The following EXOC2 variants were observed in gnomAD, a reference collection of about 807,000 sequenced individuals.
The protein encoded by EXOC2 is exocyst complex component 2.
EXOC2 carries 70 observed loss-of-function variants against 131.8 expected under a neutral mutation model. The observed-to-expected ratio is 0.53, with a 90% confidence interval of 0.44 to 0.65. The LOEUF is 0.65. Ranked by LOEUF, EXOC2 falls within the 30% of genes least tolerant of loss-of-function variation. EXOC2 has a pLI of 0.00. For missense variants in EXOC2, 923 were observed against 1,108.6 expected, an observed-to-expected ratio of 0.83 and a Z score of 2.38; for synonymous variants, 411 against 398.4, an observed-to-expected ratio of 1.03 and a Z score of -0.38.
At chr6:600,865 T>C (rs1385716828) in intron 7 of EXOC2, among the ~76,000 whole-genome samples, 1 of 152,196 alleles carries the variant, frequency 6.6e-6, no homozygotes, top group Non-Finnish European at 1.5e-5. Flanking sequence ...TTATAAGTTA[T>C]GAGATTATAA....
chr6:524,403 T>C (rs1235694970), intron 23 of EXOC2: 1 of 151,928 alleles, frequency 6.6e-6, no homozygotes, highest in Middle Eastern at 3.4e-3. Context: ...TTTCAAACAT[T>C]AAAAAAAAGA....
At chr6:656,141 ATCT>A (rs1763067094) in intron 1 of EXOC2, 3 of 1,613,168 alleles carry the variant, frequency 1.9e-6, no homozygotes, top group African/African-American at 2.7e-5. Flanking sequence ...GAAGAGAGAC[ATCT>A]TCTTGAACCA....
chr6:546,477 T>A (rs1756860166), intron 22 of EXOC2, among the ~76,000 whole-genome samples: 1 of 152,186 alleles, frequency 6.6e-6, no homozygotes, highest in African/African-American at 2.4e-5. Context: ...TCAGGTCCTA[T>A]TTTCATTTCT....
At chr6:676,816 CGG>C (rs1764154415) in intron 1 of EXOC2, among the ~76,000 whole-genome samples, 5 of 94,952 alleles carry the variant, frequency 5.3e-5, no homozygotes, top group Non-Finnish European at 7.2e-5. Context: ...TTCAACATTA[CGG>C]AAAGGACAGG....
intron 6 of EXOC2, among the ~76,000 whole-genome samples, chr6:616,460 G>A (rs1022456551): frequency 2.6e-5 from 4 of 151,872 alleles, no homozygotes; most frequent in African/African-American, 4.8e-5. Flanking sequence ...AAAATTAGCC[G>A]GGCGCAGTGG....
intron 22 of EXOC2, among the ~76,000 whole-genome samples, chr6:540,908 A>C (rs1766775175): frequency 6.6e-6 from 1 of 152,206 alleles, no homozygotes; most frequent in South Asian, 2.1e-4. Flanking sequence ...CCAAGGAAAA[A>C]CCTTACTACA....
At chr6:677,209 C>T (rs12664993) in intron 1 of EXOC2, among the ~76,000 whole-genome samples, 9,523 of 47,634 alleles carry the variant, frequency 0.2, 1,918 homozygotes, top group East Asian at 0.44. Context: ...GGACAGGTTC[C>T]TCTGGAGACT....
chr6:567,076 T>C (rs1243650443), intron 13 of EXOC2, among the ~76,000 whole-genome samples: 4 of 152,194 alleles, frequency 2.6e-5, no homozygotes, highest in African/African-American at 7.2e-5. Flanking sequence ...CTGGAGGACC[T>C]CCATGGTTTC....
At chr6:692,853 G>C (rs928165205) in intron 1 of EXOC2, among the ~76,000 whole-genome samples, 166 bp downstream of exon 1, 24 of 152,212 alleles carry the variant, frequency 1.6e-4, no homozygotes, top group Admixed American at 1.5e-3. Context: ...GCGGGGCTGG[G>C]AACCGCGGGG....
intron 22 of EXOC2, among the ~76,000 whole-genome samples, chr6:535,415 G>A (rs9504260): frequency 0.018 from 2,677 of 151,878 alleles, 84 homozygotes; most frequent in African/African-American, 0.06. Context: ...CAACAGAAAC[G>A]ATAAGCTCCT....
chr6:520,694 C>T (rs1354220376), intron 23 of EXOC2, among the ~76,000 whole-genome samples: 1 of 118,666 alleles, frequency 8.4e-6, no homozygotes, highest in Non-Finnish European at 1.7e-5. Context: ...CGCCGACACT[C>T]GCCGTCCACA....
chr6:586,353 C>T (rs1369538271), intron 11 of EXOC2, among the ~76,000 whole-genome samples: 1 of 152,192 alleles, frequency 6.6e-6, no homozygotes, highest in Non-Finnish European at 1.5e-5. Context: ...CCAGGGACAG[C>T]CTTACATTTC....
At chr6:633,940 C>A (rs781306779) in intron 2 of EXOC2, among the ~76,000 whole-genome samples, 3 of 152,238 alleles carry the variant, frequency 2.0e-5, no homozygotes, top group Non-Finnish European at 2.9e-5. Flanking sequence ...TGGCACCACA[C>A]TGGTCAGCTA....
At chr6:626,256 A>C (rs919808683) in intron 4 of EXOC2, among the ~76,000 whole-genome samples, 1 of 152,218 alleles carries the variant, frequency 6.6e-6, no homozygotes, top group Non-Finnish European at 1.5e-5. Context: ...ATTTAGGAAT[A>C]TGAAGGGTCT....
At chr6:523,800 A>G (rs1765606955) in intron 23 of EXOC2, among the ~76,000 whole-genome samples, 1 of 152,252 alleles carries the variant, frequency 6.6e-6, no homozygotes, top group South Asian at 2.1e-4. Flanking sequence ...CTTATTGGTG[A>G]TATCACTAAC....
chr6:673,057 T>C (rs1581667783), intron 1 of EXOC2, among the ~76,000 whole-genome samples: 1 of 151,814 alleles, frequency 6.6e-6, no homozygotes, highest in East Asian at 1.9e-4. Flanking sequence ...GTCAGTAGTT[T>C]GAGACCACCC....
intron 23 of EXOC2, among the ~76,000 whole-genome samples, chr6:501,707 A>C (rs1289197538): frequency 7.7e-6 from 1 of 129,876 alleles, no homozygotes; most frequent in Non-Finnish European, 1.6e-5. Context: ...ATATATCTCT[A>C]TATAAAAGAT....
chr6:533,621 G>C (rs889942817), intron 22 of EXOC2, among the ~76,000 whole-genome samples: 2 of 152,176 alleles, frequency 1.3e-5, no homozygotes, highest in Non-Finnish European at 2.9e-5. Context: ...ATGGGAGTGG[G>C]AGCAGAAGAG....
chr6:510,481 A>C (rs530148071), intron 23 of EXOC2, among the ~76,000 whole-genome samples: 2 of 152,340 alleles, frequency 1.3e-5, no homozygotes, highest in African/African-American at 4.8e-5. Context: ...CATTGCCAAC[A>C]GTGAAAATAA....
Sources: allele counts gnomAD v4.1 joint callset (sites outside exome capture counted in the v4.1 genomes callset), GRCh38; gene constraint gnomAD v4.1.1; transcripts MANE v1.5; gene names NCBI Gene and HGNC (gene_info 2026-07-23, HGNC 2026-07-21).